Variants in ADRA1A observed in about 807,000 individuals in gnomAD.
ADRA1A encodes the protein alpha-1A adrenergic receptor.
A neutral mutation model predicts 29.6 loss-of-function variants in ADRA1A; 31 were observed. The ratio of observed to expected loss-of-function variants is 1.05; its 90% CI spans 0.79 to 1.41. The LOEUF is 1.41. Ranked by LOEUF, ADRA1A falls within the 40% of genes most tolerant of loss-of-function variation. The probability of loss-of-function intolerance (pLI) is 0.00; values close to 1 mark genes in which losing one functional copy is unlikely to be tolerated. For synonymous variants in ADRA1A, 311 were observed against 254.3 expected (o/e 1.22, Z -2.12); for missense variants, 619 against 601.1 (o/e 1.03, Z -0.31).
At chr8:26,763,153 A>G (rs1456257716), downstream of ADRA1A, among the ~76,000 whole-genome samples, 1 of 152,194 alleles carries the variant, frequency 6.6e-6, no homozygotes. The surrounding 1 kb of genome is among the most constrained non-coding windows in gnomAD (Gnocchi z 4.5). Flanking sequence ...CATACCCAGC[A>G]TGCTTTCTGA....
intron 2 of ADRA1A, among the ~76,000 whole-genome samples, chr8:26,773,446 GTGA>G (rs976329509): frequency 2.0e-5 from 3 of 152,130 alleles, no homozygotes; most frequent in Non-Finnish European, 4.4e-5. Context: ...AATAGTGACA[GTGA>G]TGTGATTAAG....
At chr8:26,777,487 A>C (rs1806634127) in intron 2 of ADRA1A, among the ~76,000 whole-genome samples, 1 of 152,192 alleles carries the variant, frequency 6.6e-6, no homozygotes. Flanking sequence ...TAATGATAGA[A>C]TCTAGCTTAC....
rs73680930 is a variant in ADRA1A at position 26,823,341 on chromosome 8, A to G, written c.883+40746T>C. On this transcript the variant is annotated intron_variant, in intron 2 of 2. Transcript: ENST00000380573. This position sits in a 1 kb window ranked among gnomAD's most constrained non-coding sequence, Gnocchi z 4.2. The stretch of plus-strand genomic sequence containing the variant: ...ACTTCCATCTGCTTCCTCATGGAGC[A>G]CAGCCTCACAGAATTCATCATCAAG... Among the ~76,000 whole-genome samples, 5,077 of 152,228 alleles carry G rather than the reference A, an allele frequency of 0.033. 292 individuals are homozygous for G. The highest frequency in any genetic ancestry group is 0.11 in the African/African-American group (4,687 of 41,490).
chr8:26,752,272 G>A (rs374764194), downstream of ADRA1A, among the ~76,000 whole-genome samples: 2 of 152,108 alleles, frequency 1.3e-5, no homozygotes, highest in South Asian at 2.1e-4. Flanking sequence ...TTGAGGAGGC[G>A]GTGTCTCATT....
chr8:26,862,559 C>T (rs144015351), intron 2 of ADRA1A, among the ~76,000 whole-genome samples: 3 of 152,274 alleles, frequency 2.0e-5, no homozygotes, highest in Admixed American at 6.5e-5. Context: ...CGCATGAATA[C>T]GTGTGCAAAG....
chr8:26,839,980 G>C (rs1811699986), intron 2 of ADRA1A, among the ~76,000 whole-genome samples: 1 of 152,208 alleles, frequency 6.6e-6, no homozygotes, highest in South Asian at 2.1e-4. Context: ...ACGGAGCTTT[G>C]CACTGACCTT....
chr8:26,795,029 A>T (rs550377168), intron 2 of ADRA1A, among the ~76,000 whole-genome samples: 1 of 152,044 alleles, frequency 6.6e-6, no homozygotes, highest in Non-Finnish European at 1.5e-5. Flanking sequence ...CTAACTTTGA[A>T]TTCTAAAAAA....
At chr8:26,790,673 G>A (rs181007319) in intron 2 of ADRA1A, among the ~76,000 whole-genome samples, 2 of 151,980 alleles carry the variant, frequency 1.3e-5, no homozygotes, top group Non-Finnish European at 2.9e-5. Context: ...ACTCTAATTT[G>A]ACCACTATAC....
intron 2 of ADRA1A, among the ~76,000 whole-genome samples, chr8:26,757,532 C>T (rs1805255303): frequency 6.7e-6 from 1 of 148,554 alleles, no homozygotes; most frequent in Non-Finnish European, 1.5e-5. Flanking sequence ...CCCACCTCTG[C>T]TCCATCAGGT....
intron 2 of ADRA1A, among the ~76,000 whole-genome samples, chr8:26,782,420 G>T (rs751327324): frequency 4.6e-5 from 7 of 152,140 alleles, no homozygotes; most frequent in Admixed American, 2.0e-4. Flanking sequence ...ATTTTAACAC[G>T]CAGAAAGGGA....
In ADRA1A at chr8:26,864,075, T is replaced by C; in HGVS notation, c.883+12A>G. On this transcript the variant is annotated intron_variant, in intron 2 of 2. Transcript: ENST00000380573. This position sits in a 1 kb window ranked among gnomAD's most constrained non-coding sequence, Gnocchi z 8.1. ...CCCCCAGATGCTAAAGTGAGGGGTG[T>C]TCAAGACTTACCAATGGGCATGACT... 6.2e-7 allele frequency: 1 copy of C among 1,607,790 alleles called. No individual in the cohort carries two copies. Among genetic ancestry groups the C allele is most frequent in the South Asian group, 1.1e-5 (1 of 89,698 alleles).
In ADRA1A at chr8:26,787,664, C is replaced by T. The variant is rs755492770; in HGVS notation, c.884-16998G>A. Among the ~76,000 whole-genome samples the T allele has an allele frequency of 6.6e-5, 10 of 151,864 alleles. No individual in the cohort carries two copies. The highest frequency in any genetic ancestry group is 1.0e-4 in the Non-Finnish European group (7 of 68,000). The stretch of plus-strand genomic sequence containing the variant: ...TAAAAATATCAATGCCTGACACAGA[C>T]TTCTTAGTTCTTAGTACTTGTTCCC... On this transcript the variant is annotated intron_variant, in intron 2 of 2. Transcript: ENST00000380573. The surrounding 1 kb of genome is among the most constrained non-coding windows in gnomAD (Gnocchi z 4.2).
chr8:26,779,961 A>T (rs1218861700), intron 2 of ADRA1A, among the ~76,000 whole-genome samples: 2 of 152,164 alleles, frequency 1.3e-5, no homozygotes, highest in Non-Finnish European at 2.9e-5. Context: ...CATGGGGGAA[A>T]ATTCCCAGAA....
chr8:26,769,823 A>G lies in ADRA1A; in HGVS notation c.*326T>C. The G allele has an allele frequency of 9.4e-7, 1 of 1,058,268 alleles. No homozygotes were observed. Among genetic ancestry groups the G allele is most frequent in the Non-Finnish European group, 1.1e-6 (1 of 877,914 alleles). 65.6% of individuals were successfully genotyped at this position (1,058,268 alleles called of 1,614,324 possible). On this transcript the variant is annotated 3_prime_UTR_variant, in exon 3 of 3. Coordinates refer to ENST00000380573, the MANE Select transcript of ADRA1A (RefSeq NM_000680.4). ...TCAAAATATTCATGATGAAATCATA[A>G]TCCTATATTTATAGTCTTTTGGATT...
chr8:26,811,802 T>C (rs927095141), intron 2 of ADRA1A, among the ~76,000 whole-genome samples: 4 of 152,240 alleles, frequency 2.6e-5, no homozygotes, highest in African/African-American at 9.6e-5. Context: ...GATCTGCTTT[T>C]GAACTTGACG....
intron 2 of ADRA1A, among the ~76,000 whole-genome samples, chr8:26,804,061 G>T (rs555180507): frequency 6.6e-6 from 1 of 151,338 alleles, no homozygotes; most frequent in Non-Finnish European, 1.5e-5. Context: ...AGCTGAGGCC[G>T]CAGGTGTGTG....
chr8:26,769,805 A>C lies in ADRA1A; in HGVS notation c.*344T>G. Reference sequence around the variant, plus strand: ...CAAACTTAGAGTGTGTGCTCAAAATATTCATGATGAAATCATAATCCTATA... The same window carrying C: ...CAAACTTAGAGTGTGTGCTCAAAATCTTCATGATGAAATCATAATCCTATA... On this transcript the variant is annotated 3_prime_UTR_variant, in exon 3 of 3. Coordinates refer to ENST00000380573, the MANE Select transcript of ADRA1A (RefSeq NM_000680.4). 9.8e-7 allele frequency: 1 copy of C among 1,025,302 alleles called. No homozygotes were observed. The highest frequency in any genetic ancestry group is 8.8e-5 in the East Asian group (1 of 11,352). The allele number at this position is 1,025,302 out of a possible 1,614,324, so 63.5% of individuals were successfully genotyped here. A position where few individuals can be genotyped will look rare whatever the true frequency, so the allele number is the denominator to read the frequency against.
intron 2 of ADRA1A, among the ~76,000 whole-genome samples, chr8:26,820,694 A>G (rs546251755): frequency 2.7e-4 from 41 of 152,344 alleles, no homozygotes; most frequent in African/African-American, 9.4e-4. Context: ...ATATGCGAGC[A>G]TTGTTAGACA....
At chr8:26,856,416 G>A (rs1189102980) in intron 2 of ADRA1A, among the ~76,000 whole-genome samples, 1 of 152,160 alleles carries the variant, frequency 6.6e-6, no homozygotes, top group Admixed American at 6.5e-5. Context: ...TGTCATTCCT[G>A]CTCATCTTTG....
Sources: gnomAD v4.1 joint callset for allele counts (sites outside exome capture counted in the v4.1 genomes callset) on GRCh38, gnomAD v4.1.1 for gene constraint, Gnocchi (gnomAD v3.1) non-coding constraint, MANE v1.5 for transcripts, NCBI Gene and HGNC (gene_info 2026-07-23, HGNC 2026-07-21) for gene names.